SGPP2: variants seen among roughly 807,000 people sequenced by gnomAD.
The protein encoded by SGPP2 is sphingosine-1-phosphate phosphatase 2, also known as sphingosine 1-phosphate phosphohydrolase 2.
A neutral mutation model predicts 33.9 loss-of-function variants in SGPP2; 30 were observed. That is an observed-to-expected ratio of 0.89 (90% confidence interval 0.66 to 1.20). The LOEUF (loss-of-function observed/expected upper bound fraction) is 1.20, where lower values mean the gene tolerates loss of function less well. Ranked by LOEUF, SGPP2 falls within the 50% of genes most tolerant of loss-of-function variation. The pLI is 0.00. For missense variants in SGPP2, 458 were observed against 532.1 expected (o/e 0.86, Z 1.37); for synonymous variants, 233 against 225.0 (o/e 1.04, Z -0.32).
At chr2:222,543,812 A>G (rs930913262) in intron 4 of SGPP2, among the ~76,000 whole-genome samples, 5 of 152,222 alleles carry the variant, frequency 3.3e-5, no homozygotes, top group Non-Finnish European at 5.9e-5. Flanking sequence ...CTTCAAAATT[A>G]TCTTCACTAT....
In SGPP2 at chr2:222,479,682, C is replaced by T. The variant is rs553893919; in HGVS notation, c.378+4956C>T. Among the ~76,000 whole-genome samples, 365 of 152,204 alleles carry T rather than the reference C, an allele frequency of 2.4e-3. 3 individuals carry two copies. The highest frequency in any genetic ancestry group is 8.4e-3 in the African/African-American group (348 of 41,518). On this transcript the variant is annotated intron_variant, in intron 2 of 4. Coordinates refer to ENST00000321276, the MANE Select transcript of SGPP2 (RefSeq NM_152386.4). The stretch of plus-strand genomic sequence containing the variant: ...CCTCCCAAAGTGCTGGGATTACAGG[C>T]GTGAGCCACCGCGCCCGGCCTCTTA...
At chr2:222,486,004 G>T (rs963753850) in intron 2 of SGPP2, among the ~76,000 whole-genome samples, 2 of 152,238 alleles carry the variant, frequency 1.3e-5, no homozygotes, top group African/African-American at 2.4e-5. Context: ...AGCACAGGGT[G>T]GGGCTTCCCA....
chr2:222,549,834 G>C (rs1411318285), intron 4 of SGPP2, among the ~76,000 whole-genome samples: 4 of 151,612 alleles, frequency 2.6e-5, no homozygotes, highest in Non-Finnish European at 5.9e-5. Flanking sequence ...GCAATCCATA[G>C]GGTAAGGCTG....
At chr2:222,493,391 C>T (rs993301702) in intron 2 of SGPP2, among the ~76,000 whole-genome samples, 11 of 152,164 alleles carry the variant, frequency 7.2e-5, no homozygotes, top group South Asian at 4.1e-4. Context: ...CTCACTATCA[C>T]GAGAACAGCA....
chr2:222,499,178 A>G (rs1158171563), intron 2 of SGPP2, among the ~76,000 whole-genome samples: 3 of 152,262 alleles, frequency 2.0e-5, no homozygotes, highest in African/African-American at 7.2e-5. Flanking sequence ...GACATTACAC[A>G]GAGTAGGGAT....
chr2:222,435,746 G>T (rs576921487), intron 1 of SGPP2, among the ~76,000 whole-genome samples: 1 of 152,322 alleles, frequency 6.6e-6, no homozygotes, highest in South Asian at 2.1e-4. Flanking sequence ...GTGTATACGT[G>T]CACAAACATG....
At chr2:222,440,836 C>T (rs1211777774) in intron 1 of SGPP2, among the ~76,000 whole-genome samples, 1 of 151,894 alleles carries the variant, frequency 6.6e-6, no homozygotes, top group Admixed American at 6.6e-5. Context: ...CAGCTTTCAG[C>T]CTAGCAGCGC....
chr2:222,486,724 A>G (rs1698115519), intron 2 of SGPP2, among the ~76,000 whole-genome samples: 1 of 147,956 alleles, frequency 6.8e-6, no homozygotes, highest in Non-Finnish European at 1.5e-5. Context: ...CCGAGCTGAC[A>G]TGGCCAGAGG....
intron 1 of SGPP2, among the ~76,000 whole-genome samples, chr2:222,428,533 C>T (rs1209208751): frequency 6.6e-6 from 1 of 152,126 alleles, no homozygotes; most frequent in African/African-American, 2.4e-5. Context: ...CTCACATTGA[C>T]TTAGGGAGAG....
At chr2:222,496,025 A>G (rs982434747) in intron 2 of SGPP2, among the ~76,000 whole-genome samples, 1 of 152,160 alleles carries the variant, frequency 6.6e-6, no homozygotes, top group African/African-American at 2.4e-5. Flanking sequence ...CCTCCTTTAC[A>G]TTCAAGACAC....
intron 4 of SGPP2, among the ~76,000 whole-genome samples, chr2:222,528,297 G>A (rs886729254): frequency 3.3e-5 from 5 of 152,066 alleles, no homozygotes; most frequent in African/African-American, 7.2e-5. Flanking sequence ...GAATCACAGC[G>A]GGTTCAGTTC....
intron 2 of SGPP2, among the ~76,000 whole-genome samples, chr2:222,479,975 C>A (rs13032598): frequency 0.33 from 49,416 of 151,924 alleles, 8,728 homozygotes; most frequent in African/African-American, 0.47. Context: ...TATCTTTGGG[C>A]TCAAAAGAAT....
At chr2:222,556,176 C>A (rs908690725) in intron 4 of SGPP2, among the ~76,000 whole-genome samples, 1 of 152,082 alleles carries the variant, frequency 6.6e-6, no homozygotes, top group Non-Finnish European at 1.5e-5. Context: ...AGACTGGAGG[C>A]AACATGTGTA....
intron 1 of SGPP2, among the ~76,000 whole-genome samples, chr2:222,457,552 GA>G (rs776800167): frequency 2.6e-5 from 4 of 152,150 alleles, no homozygotes; most frequent in Non-Finnish European, 5.9e-5. Flanking sequence ...GTTAAACTAA[GA>G]AACCATTAAA....
intron 1 of SGPP2, among the ~76,000 whole-genome samples, chr2:222,470,891 C>A (rs79539325): frequency 0.016 from 2,367 of 152,228 alleles, 65 homozygotes; most frequent in African/African-American, 0.054. Flanking sequence ...CAGAACCTGC[C>A]GAGATTAGTC....
intron 2 of SGPP2, among the ~76,000 whole-genome samples, chr2:222,521,377 T>C (rs1264808028): frequency 1.3e-5 from 2 of 152,320 alleles, no homozygotes; most frequent in East Asian, 3.9e-4. Context: ...TTGCTGACTG[T>C]GTGCCTGTGG....
At chr2:222,532,879 C>T (rs753330984) in intron 4 of SGPP2, among the ~76,000 whole-genome samples, 2 of 152,070 alleles carry the variant, frequency 1.3e-5, no homozygotes, top group Non-Finnish European at 2.9e-5. Context: ...GGAAATAAAA[C>T]ACAGGGGCCC....
rs1697509246 is a variant in SGPP2 at position 222,452,611 on chromosome 2, T to G, written c.220-21957T>G. Reference sequence around the variant, plus strand: ...TAGAAGGGACTGTTCCAGGCCTGATTGTTCCAGAACTGGGTGCACCAGGTC... The same window carrying G: ...TAGAAGGGACTGTTCCAGGCCTGATGGTTCCAGAACTGGGTGCACCAGGTC... On this transcript the variant is annotated intron_variant, in intron 1 of 4. Coordinates refer to ENST00000321276, the MANE Select transcript of SGPP2 (RefSeq NM_152386.4). 23 of 1,339,652 alleles carry G rather than the reference T, an allele frequency of 1.7e-5. No homozygotes were observed. In the South Asian group the frequency reaches 2.7e-4, roughly 16 times the overall value. 83.0% of individuals were successfully genotyped at this position (1,339,652 alleles called of 1,614,324 possible). A position where few individuals can be genotyped will look rare whatever the true frequency, so the allele number is the denominator to read the frequency against.
At chr2:222,551,063 C>T (rs13382934) in intron 4 of SGPP2, among the ~76,000 whole-genome samples, 43,238 of 151,914 alleles carry the variant, frequency 0.28, 7,037 homozygotes, top group Non-Finnish European at 0.36. Flanking sequence ...TACTTATTCT[C>T]ACCATTTTTG....
Sources: allele counts gnomAD v4.1 joint callset (sites outside exome capture counted in the v4.1 genomes callset), GRCh38; gene constraint gnomAD v4.1.1; transcripts MANE v1.5; gene names NCBI Gene and HGNC (gene_info 2026-07-23, HGNC 2026-07-21).